The following STARD13 variants were observed in gnomAD, a reference collection of about 807,000 sequenced individuals.
STARD13 encodes the protein stAR-related lipid transfer protein 13.
A neutral mutation model predicts 106.4 loss-of-function variants in STARD13; 62 were observed. That is an observed-to-expected ratio of 0.58 (90% CI 0.48 to 0.72). STARD13 has a LOEUF of 0.72. STARD13 is among the 30% of genes least tolerant of loss of function. The pLI is 0.00. For missense variants in STARD13, 1,387 were observed against 1,424.0 expected (o/e 0.97, Z 0.42); for synonymous variants, 565 against 553.0 (o/e 1.02, Z -0.31).
chr13:33,563,023 A>G, the STARD13 span, among the ~76,000 whole-genome samples: 9 of 146,960 alleles, frequency 6.1e-5, 1 homozygote, highest in East Asian at 1.8e-3. Flanking sequence ...TTACCTAGGA[A>G]TCAATTGAAT....
At chr13:33,421,922 G>A in the STARD13 span, among the ~76,000 whole-genome samples, 23,755 of 151,956 alleles carry the variant, frequency 0.16, 4,444 homozygotes, top group African/African-American at 0.44. Context: ...CTCTCAATAA[G>A]CTAGGTATTG....
At chr13:33,259,548 C>T (rs1890532942) in intron 1 of STARD13, among the ~76,000 whole-genome samples, 1 of 152,126 alleles carries the variant, frequency 6.6e-6, no homozygotes, top group Admixed American at 6.5e-5. Context: ...ATCACATCTA[C>T]ATAGTTGTCA....
At chr13:33,263,503 G>T (rs752243782) in intron 1 of STARD13, among the ~76,000 whole-genome samples, 6 of 152,230 alleles carry the variant, frequency 3.9e-5, no homozygotes, top group Non-Finnish European at 8.8e-5. Flanking sequence ...AATTGGCCTT[G>T]CTTAGAGATT....
Position 33,141,573 on chromosome 13 carries a change from C to T in STARD13, c.387+737G>A, listed in dbSNP as rs143991808. 1.1e-3 allele frequency among the ~76,000 whole-genome samples: 167 copies of T among 152,224 alleles called. 1 individual carries two copies. Among genetic ancestry groups the T allele is most frequent in the African/African-American group, 3.7e-3 (154 of 41,522 alleles). On this transcript the variant is annotated intron_variant, in intron 4 of 13. Coordinates refer to ENST00000336934, the MANE Select transcript of STARD13 (RefSeq NM_178006.4). The stretch of plus-strand genomic sequence containing the variant: ...AATTCCTTGTGGCTAGAGACAAGTA[C>T]ACAGTGGGGAGAATGGTGAAAGATG...
intron 1 of STARD13, among the ~76,000 whole-genome samples, chr13:33,338,956 G>T (rs541634553): frequency 1.3e-4 from 19 of 151,560 alleles, no homozygotes; most frequent in African/African-American, 4.4e-4. Flanking sequence ...GAAGGAAATG[G>T]GTGGTTTCGG....
chr13:33,271,916 G>T (rs148719183), intron 1 of STARD13, among the ~76,000 whole-genome samples: 1 of 152,182 alleles, frequency 6.6e-6, no homozygotes, highest in East Asian at 1.9e-4. Context: ...CAAGAATAAC[G>T]TGGGCTCCCA....
At chr13:33,443,653 A>G in the STARD13 span, among the ~76,000 whole-genome samples, 1 of 152,138 alleles carries the variant, frequency 6.6e-6, no homozygotes, top group East Asian at 1.9e-4. Context: ...TCGGAGGCCA[A>G]GGTGGGTGGA....
intron 1 of STARD13, among the ~76,000 whole-genome samples, chr13:33,327,013 T>C (rs750645917): frequency 3.3e-5 from 5 of 152,200 alleles, no homozygotes; most frequent in South Asian, 2.1e-4. Flanking sequence ...CTAGGACTGT[T>C]TTATGTATTA....
Position 33,285,524 on chromosome 13 carries a change from A to C in STARD13, c.115T>G (p.Tyr39Asp). Residue 39 changes from tyrosine to aspartate, a missense_variant, in exon 1 of 14, where the codon TAC becomes GAC. Physicochemically the swap from Tyr to Asp is radical, Grantham distance 160. Coordinates refer to ENST00000336934, the MANE Select transcript of STARD13 (RefSeq NM_178006.4). ...CGTGCTAGAATCCGGCTCATCCTGT[A>C]AGGAGAGCGTCTTGTAGTCTGATCA... is the stretch of plus-strand genomic sequence containing the variant. ...RFDQTTRRSP[Y>D]RMSRILARHQ... 1.2e-6 allele frequency: 2 copies of C among 1,614,044 alleles called. No homozygotes were observed. Among genetic ancestry groups the C allele is most frequent in the Non-Finnish European group, 1.7e-6 (2 of 1,179,930 alleles).
At chr13:33,231,119 T>G (rs1471250444) in intron 1 of STARD13, among the ~76,000 whole-genome samples, 7 of 152,178 alleles carry the variant, frequency 4.6e-5, no homozygotes, top group Non-Finnish European at 4.4e-5. Context: ...GTTGGCTGAG[T>G]GAGTGATAAA....
the STARD13 span, among the ~76,000 whole-genome samples, chr13:33,619,924 C>T: frequency 3.9e-5 from 6 of 151,942 alleles, no homozygotes; most frequent in East Asian, 3.9e-4. Context: ...ATTAGCTGGG[C>T]GTGGTGGTGC....
At chr13:33,364,623 C>T in the STARD13 span, among the ~76,000 whole-genome samples, 3 of 152,224 alleles carry the variant, frequency 2.0e-5, no homozygotes, top group Non-Finnish European at 2.9e-5. Context: ...GGCGCGGTGG[C>T]TCACGCCTGT....
intron 1 of STARD13, among the ~76,000 whole-genome samples, chr13:33,229,963 A>T (rs191074208): frequency 3.9e-5 from 6 of 152,332 alleles, no homozygotes; most frequent in African/African-American, 1.4e-4. Flanking sequence ...TGGAGCAGAG[A>T]CAAACCCTAG....
At chr13:33,404,302 A>T in the STARD13 span, among the ~76,000 whole-genome samples, 1 of 152,196 alleles carries the variant, frequency 6.6e-6, no homozygotes, top group Admixed American at 6.5e-5. Context: ...TTGCCTTTTA[A>T]AGTCTTTTTT....
chr13:33,332,482 A>G (rs574249928), intron 1 of STARD13, among the ~76,000 whole-genome samples: 60 of 152,168 alleles, frequency 3.9e-4, no homozygotes, highest in African/African-American at 1.4e-3. Flanking sequence ...CCACAGAGAG[A>G]TTTCTCACTC....
At chr13:33,562,596 AG>A in the STARD13 span, among the ~76,000 whole-genome samples, 1 of 146,806 alleles carries the variant, frequency 6.8e-6, no homozygotes, top group African/African-American at 2.5e-5. Flanking sequence ...TCTAAAGTCT[AG>A]GGGTCCTGTC....
intron 1 of STARD13, among the ~76,000 whole-genome samples, chr13:33,241,484 A>T (rs1889492345): frequency 6.6e-6 from 1 of 152,186 alleles, no homozygotes; most frequent in East Asian, 1.9e-4. Flanking sequence ...TTTTCTAGGC[A>T]ATTTCAGTCA....
At chr13:33,436,211 T>A in the STARD13 span, among the ~76,000 whole-genome samples, 1 of 152,214 alleles carries the variant, frequency 6.6e-6, no homozygotes, top group African/African-American at 2.4e-5. Context: ...AATATATGAT[T>A]TCTTCAGATG....
At chr13:33,423,212 T>C in the STARD13 span, among the ~76,000 whole-genome samples, 4 of 152,046 alleles carry the variant, frequency 2.6e-5, no homozygotes, top group Admixed American at 6.6e-5. Flanking sequence ...AGAGCTAATA[T>C]CCAGAATCTA....
Sources: allele counts gnomAD v4.1 joint callset (sites outside exome capture counted in the v4.1 genomes callset), GRCh38; gene constraint gnomAD v4.1.1; transcripts MANE v1.5; gene names NCBI Gene and HGNC (gene_info 2026-07-23, HGNC 2026-07-21).